Variants in HS6ST3 observed in about 807,000 individuals in gnomAD.
HS6ST3 encodes heparan sulfate 6-O-sulfotransferase 3.
In HS6ST3, 12 loss-of-function variants were observed where a neutral mutation model predicts 36.7. That is an observed-to-expected ratio of 0.33 (90% CI 0.21 to 0.53). HS6ST3 has a LOEUF of 0.53. Among genes scored for constraint, HS6ST3 ranks in the 20% least tolerant of loss-of-function variants. HS6ST3 has a pLI of 0.95. For missense variants in HS6ST3, 584 were observed against 640.9 expected, an observed-to-expected ratio of 0.91 and a Z score of 0.96; for synonymous variants, 240 against 257.5, an observed-to-expected ratio of 0.93 and a Z score of 0.65.
chr13:96,333,459 G>A (rs866214059), intron 1 of HS6ST3, among the ~76,000 whole-genome samples: 7 of 152,186 alleles, frequency 4.6e-5, no homozygotes, highest in South Asian at 4.1e-4. Context: ...AAGGTGACCA[G>A]GGCAAGGAAG....
chr13:96,580,189 C>G (rs904381548), intron 1 of HS6ST3, among the ~76,000 whole-genome samples: 1 of 121,400 alleles, frequency 8.2e-6, no homozygotes, highest in Non-Finnish European at 1.7e-5. Flanking sequence ...GGACCCCATC[C>G]AGACATATAT....
chr13:96,481,281 T>A (rs1256624881), intron 1 of HS6ST3, among the ~76,000 whole-genome samples: 5 of 152,140 alleles, frequency 3.3e-5, no homozygotes, highest in South Asian at 2.1e-4. Context: ...GATAATTTTT[T>A]AAAAATGTGC....
chr13:96,559,734 T>C (rs1189805690), intron 1 of HS6ST3, among the ~76,000 whole-genome samples: 2 of 152,136 alleles, frequency 1.3e-5, no homozygotes, highest in Admixed American at 6.6e-5. Context: ...TTTTTTTTTT[T>C]TCTTAATGGA....
intron 1 of HS6ST3, among the ~76,000 whole-genome samples, chr13:96,439,582 C>T (rs1490187921): frequency 6.6e-6 from 1 of 152,200 alleles, no homozygotes; most frequent in Non-Finnish European, 1.5e-5. Flanking sequence ...TGACCATGGG[C>T]AAATTGCTCT....
At chr13:96,597,198 G>C (rs753890442) in intron 1 of HS6ST3, among the ~76,000 whole-genome samples, 1 of 151,968 alleles carries the variant, frequency 6.6e-6, no homozygotes, top group African/African-American at 2.4e-5. Context: ...GAGGGCGAAG[G>C]GTAGGAGGAG....
At chr13:96,098,433 C>T (rs961606683) in intron 1 of HS6ST3, among the ~76,000 whole-genome samples, 5 of 152,194 alleles carry the variant, frequency 3.3e-5, no homozygotes, top group Middle Eastern at 3.4e-3. Flanking sequence ...AAAAAGACTT[C>T]AAGAGAGGTT....
chr13:96,537,404 T>A (rs2056160247), intron 1 of HS6ST3, among the ~76,000 whole-genome samples: 1 of 152,070 alleles, frequency 6.6e-6, no homozygotes, highest in Non-Finnish European at 1.5e-5. Flanking sequence ...CCATATCACC[T>A]CCTATACCTG....
intron 1 of HS6ST3, among the ~76,000 whole-genome samples, chr13:96,427,645 C>G (rs1450511903): frequency 1.3e-5 from 2 of 152,104 alleles, no homozygotes. Context: ...TCAGCTTTCC[C>G]TAATATTTAA....
At chr13:96,825,430 A>G (rs1235849295) in intron 1 of HS6ST3, among the ~76,000 whole-genome samples, 1 of 152,162 alleles carries the variant, frequency 6.6e-6, no homozygotes, top group East Asian at 1.9e-4. Flanking sequence ...AAAAAGTAGC[A>G]TAGAGAAAGC....
chr13:96,110,243 G>A (rs946201015), intron 1 of HS6ST3, among the ~76,000 whole-genome samples: 37 of 151,990 alleles, frequency 2.4e-4, no homozygotes, highest in African/African-American at 8.7e-4. Flanking sequence ...GAGGGAGCAA[G>A]AGAAAGAGGA....
At chr13:96,393,023 C>T (rs2055403700) in intron 1 of HS6ST3, among the ~76,000 whole-genome samples, 1 of 152,038 alleles carries the variant, frequency 6.6e-6, no homozygotes, top group Admixed American at 6.6e-5. Flanking sequence ...ACAGTTTCTC[C>T]CATACCGTTT....
chr13:96,180,528 T>C (rs563324109), intron 1 of HS6ST3, among the ~76,000 whole-genome samples: 3 of 45,492 alleles, frequency 6.6e-5, no homozygotes, highest in Admixed American at 3.9e-4. Context: ...CTAATAAATA[T>C]TTATTAAACT....
rs536883867 is a variant in HS6ST3 at position 96,819,959 on chromosome 13, C to A, written c.708-12531C>A. Among the ~76,000 whole-genome samples the A allele has an allele frequency of 2.6e-5, 4 of 152,106 alleles. No homozygotes were observed. In the South Asian group the frequency reaches 8.3e-4, roughly 32 times the overall value. ...GGCATGGTGGCAGACGCCTGTAATC[C>A]CAGGTACTTGGGAGGCTGAGACAGG... On this transcript the variant is annotated intron_variant, in intron 1 of 1. Transcript: ENST00000376705.
rs145988908 is a variant in HS6ST3, at chr13:96,458,267, T to A, written c.707+366698T>A. Among the ~76,000 whole-genome samples, 62 of 152,266 alleles carry A rather than the reference T, an allele frequency of 4.1e-4. 1 individual carries two copies. The East Asian group carries it at 9.8e-3, about 24-fold the overall frequency. On this transcript the variant is annotated intron_variant, in intron 1 of 1. Coordinates refer to ENST00000376705, the MANE Select transcript of HS6ST3 (RefSeq NM_153456.4). ...TATTAGGAATGCCAAATTCTGTTTT[T>A]CTGTTTTAAGCATTTATTTATGTAA...
intron 1 of HS6ST3, among the ~76,000 whole-genome samples, chr13:96,484,310 T>G (rs943515546): frequency 6.6e-6 from 1 of 152,106 alleles, no homozygotes; most frequent in African/African-American, 2.4e-5. Flanking sequence ...CTTCCTTCCT[T>G]CCTTCCTATG....
chr13:96,769,439 CT>C (rs1272748491), intron 1 of HS6ST3, among the ~76,000 whole-genome samples: 1 of 99,158 alleles, frequency 1.0e-5, no homozygotes, highest in Non-Finnish European at 2.0e-5. Flanking sequence ...AATGCTATCC[CT>C]CCCCCCTCCC....
intron 1 of HS6ST3, among the ~76,000 whole-genome samples, chr13:96,600,953 G>C (rs895440617): frequency 1.3e-5 from 2 of 151,978 alleles, no homozygotes; most frequent in Non-Finnish European, 2.9e-5. Flanking sequence ...CAAAATTCTT[G>C]GCTGGCGGTT....
At chr13:96,621,708 T>A (rs749713421) in intron 1 of HS6ST3, among the ~76,000 whole-genome samples, 1 of 152,208 alleles carries the variant, frequency 6.6e-6, no homozygotes, top group Non-Finnish European at 1.5e-5. Context: ...TGACTTTCTT[T>A]AGGCAAATGC....
intron 1 of HS6ST3, among the ~76,000 whole-genome samples, chr13:96,194,371 A>T (rs2054302398): frequency 6.6e-6 from 1 of 152,258 alleles, no homozygotes; most frequent in East Asian, 1.9e-4. Flanking sequence ...ATTATCGTCA[A>T]TTATAAATTC....
Sources: gnomAD v4.1 joint callset for allele counts (sites outside exome capture counted in the v4.1 genomes callset) on GRCh38, gnomAD v4.1.1 for gene constraint, MANE v1.5 for transcripts, NCBI Gene and HGNC (gene_info 2026-07-23, HGNC 2026-07-21) for gene names.